INPP4B: variants seen among roughly 807,000 people sequenced by gnomAD.
INPP4B encodes the protein inositol polyphosphate-4-phosphatase type II B, also known as inositol polyphosphate 4-phosphatase type II.
A neutral mutation model predicts 122.5 loss-of-function variants in INPP4B; 55 were observed. The observed-to-expected ratio is 0.45, with a 90% confidence interval of 0.36 to 0.56. The LOEUF (loss-of-function observed/expected upper bound fraction) is 0.56, where lower values mean the gene tolerates loss of function less well. Among genes scored for constraint, INPP4B ranks in the 20% least tolerant of loss-of-function variants. INPP4B has a pLI of 0.00. For synonymous variants in INPP4B, 403 were observed against 388.7 expected, an observed-to-expected ratio of 1.04 and a Z score of -0.43; for missense variants, 1,000 against 1,097.7, an observed-to-expected ratio of 0.91 and a Z score of 1.26.
intron 8 of INPP4B, among the ~76,000 whole-genome samples, chr4:142,307,275 T>C (rs931000778): frequency 1.3e-5 from 2 of 152,152 alleles, no homozygotes; most frequent in African/African-American, 4.8e-5. Context: ...GACATCCCTA[T>C]ACGAAAGCAC....
chr4:142,458,235 G>A (rs986855045), intron 3 of INPP4B, among the ~76,000 whole-genome samples: 3 of 152,194 alleles, frequency 2.0e-5, no homozygotes, highest in African/African-American at 7.2e-5. Context: ...AATAAAATAG[G>A]CAGAATTATA....
At chr4:142,125,037 T>A (rs1192926135) in intron 18 of INPP4B, among the ~76,000 whole-genome samples, 2 of 152,158 alleles carry the variant, frequency 1.3e-5, no homozygotes, top group African/African-American at 4.8e-5. Flanking sequence ...GCACTACCTG[T>A]ATCTTAGTGA....
At chr4:142,292,704 C>T (rs913697315) in intron 9 of INPP4B, among the ~76,000 whole-genome samples, 14 of 152,074 alleles carry the variant, frequency 9.2e-5, no homozygotes, top group Admixed American at 5.9e-4. Context: ...TATTATGATA[C>T]CTTAAATTTG....
At chr4:142,067,352 T>C (rs1306566178) in intron 25 of INPP4B, among the ~76,000 whole-genome samples, 1 of 152,090 alleles carries the variant, frequency 6.6e-6, no homozygotes, top group Non-Finnish European at 1.5e-5. Flanking sequence ...CAAAGGTAGA[T>C]AAAACCACAA....
At chr4:142,123,460 A>G in intron 19 of INPP4B, 45 bp from the exon 20 acceptor site, 3 of 1,583,752 alleles carry the variant, frequency 1.9e-6, no homozygotes, top group Non-Finnish European at 2.6e-6. Flanking sequence ...TAGCAAACGT[A>G]TTTGTTTTAT....
In INPP4B at chr4:142,145,999, G is replaced by GA; in HGVS notation, c.1564-4dup. The GA allele has an allele frequency of 6.2e-7, 1 of 1,602,556 alleles. No individual in the cohort carries two copies. The highest frequency in any genetic ancestry group is 1.1e-5 in the South Asian group (1 of 89,236). On this transcript the variant is annotated splice_polypyrimidine_tract_variant and splice_region_variant and intron_variant, in intron 17 of 25. Coordinates refer to ENST00000262992, the MANE Select transcript of INPP4B (RefSeq NM_001101669.3). ...CCCACATTGGCCCACACCCTGTCCT[G>GA]AAAAAAGCATGAGTATCACTACATA...
At chr4:142,498,575 G>T (rs1400873282) in intron 2 of INPP4B, among the ~76,000 whole-genome samples, 1 of 152,014 alleles carries the variant, frequency 6.6e-6, no homozygotes, top group Non-Finnish European at 1.5e-5. Flanking sequence ...GATTGCTTGA[G>T]TCCAGGAGTT....
chr4:142,324,652 T>C (rs1231288343), intron 7 of INPP4B, among the ~76,000 whole-genome samples: 2 of 152,140 alleles, frequency 1.3e-5, no homozygotes, highest in South Asian at 2.1e-4. Context: ...TGTGAATACC[T>C]CCAGGTGAAA....
intron 1 of INPP4B, chr4:142,767,786 T>C (rs902229200): frequency 6.6e-6 from 1 of 152,164 alleles, no homozygotes; most frequent in African/African-American, 2.4e-5. Flanking sequence ...AGAATGCCTC[T>C]TAGAATTGTC....
At chr4:142,406,380 G>C (rs191553290) in intron 5 of INPP4B, among the ~76,000 whole-genome samples, 24 of 152,308 alleles carry the variant, frequency 1.6e-4, no homozygotes, top group African/African-American at 5.8e-4. Flanking sequence ...TTTAAGGTAT[G>C]TTGTGGTCAG....
chr4:142,116,671 G>A (rs1294041564), intron 21 of INPP4B, among the ~76,000 whole-genome samples: 2 of 152,122 alleles, frequency 1.3e-5, no homozygotes, highest in African/African-American at 2.4e-5. Context: ...AGTGTGTAGA[G>A]GGAAATGTAT....
At chr4:142,334,191 C>A (rs537821576) in intron 7 of INPP4B, among the ~76,000 whole-genome samples, 2 of 152,290 alleles carry the variant, frequency 1.3e-5, no homozygotes, top group South Asian at 4.1e-4. Context: ...GAATTTCTTA[C>A]TTTTCTTTGC....
chr4:142,271,684 A>C (rs1459854768), intron 9 of INPP4B, among the ~76,000 whole-genome samples: 1 of 152,190 alleles, frequency 6.6e-6, no homozygotes, highest in Admixed American at 6.5e-5. Context: ...TCAGATAAAG[A>C]AACTGAGACT....
At chr4:142,217,368 A>T (rs1052551952) in intron 12 of INPP4B, among the ~76,000 whole-genome samples, 3 of 152,176 alleles carry the variant, frequency 2.0e-5, no homozygotes, top group African/African-American at 7.2e-5. Flanking sequence ...ACCCATGGGA[A>T]GTATCTGAGA....
At position 142,026,826 on chromosome 4, in the gene INPP4B, T is replaced by C. The variant is rs534875009; in HGVS notation, c.*1956A>G. ...TATTTTTCCATATTTAAGTAGTTTG[T>C]TTTCAAAAATACAAATAAAAATTAT... is the stretch of plus-strand genomic sequence containing the variant. On this transcript the variant is annotated 3_prime_UTR_variant, in exon 26 of 26. Transcript: ENST00000262992. 6.6e-6 allele frequency: 1 copy of C among 152,294 alleles called. No homozygotes were observed. Among genetic ancestry groups the C allele is most frequent in the South Asian group, 2.1e-4 (1 of 4,830 alleles). 9.4% of individuals were successfully genotyped at this position (152,294 alleles called of 1,614,324 possible). A position where few individuals can be genotyped will look rare whatever the true frequency, so the allele number is the denominator to read the frequency against.
intron 25 of INPP4B, among the ~76,000 whole-genome samples, chr4:142,068,830 A>G (rs1365490626): frequency 6.6e-6 from 1 of 152,238 alleles, no homozygotes. Context: ...TGATTCATAA[A>G]GCAAGTCCTT....
intron 2 of INPP4B, among the ~76,000 whole-genome samples, chr4:142,584,128 G>GT (rs1032189971): frequency 2.0e-4 from 30 of 150,998 alleles, no homozygotes; most frequent in Non-Finnish European, 3.4e-4. Flanking sequence ...GAGAATATGA[G>GT]TTTTTTTTTC....
intron 18 of INPP4B, among the ~76,000 whole-genome samples, chr4:142,145,056 G>A (rs1561277935): frequency 6.6e-6 from 1 of 152,050 alleles, no homozygotes; most frequent in Non-Finnish European, 1.5e-5. Context: ...GTAAAGAGAT[G>A]TAGACATTTG....
intron 25 of INPP4B, among the ~76,000 whole-genome samples, chr4:142,033,854 A>G (rs1255080082): frequency 1.3e-5 from 2 of 151,338 alleles, no homozygotes; most frequent in Non-Finnish European, 2.9e-5. Context: ...TTTAATAGAG[A>G]TGGGGTTTCA....
Sources: allele counts gnomAD v4.1 joint callset (sites outside exome capture counted in the v4.1 genomes callset), GRCh38; gene constraint gnomAD v4.1.1; transcripts MANE v1.5; gene names NCBI Gene and HGNC (gene_info 2026-07-23, HGNC 2026-07-21).